CPS1: variants seen among roughly 807,000 people sequenced by gnomAD.
CPS1 encodes carbamoyl-phosphate synthase [ammonia], mitochondrial.
A neutral mutation model predicts 174.6 loss-of-function variants in CPS1; 109 were observed. The observed-to-expected ratio is 0.62, with a 90% CI of 0.53 to 0.73. The LOEUF (loss-of-function observed/expected upper bound fraction) is 0.73, where lower values mean the gene tolerates loss of function less well. Among genes scored for constraint, CPS1 ranks in the 30% least tolerant of loss-of-function variants. CPS1 has a pLI of 0.00. For missense variants in CPS1, 1,689 were observed against 1,821.9 expected, an observed-to-expected ratio of 0.93 and a Z score of 1.33; for synonymous variants, 637 against 632.0, an observed-to-expected ratio of 1.01 and a Z score of -0.12.
In CPS1 at chr2:210,609,624, C is replaced by T. The variant is rs931031176; in HGVS notation, c.2391+1065C>T. Among the ~76,000 whole-genome samples, 4 of 151,926 alleles carry T rather than the reference C, an allele frequency of 2.6e-5. No individual in the cohort carries two copies. The East Asian group carries it at 7.8e-4, about 29-fold the overall frequency. On this transcript the variant is annotated intron_variant, in intron 19 of 37. Transcript: ENST00000233072. ...TCTTTCTCTATCATTTGTCTATCTACCATTTATCTTAGTTTATCTGTATCT... is the reference window on the plus strand; with the variant it reads ...TCTTTCTCTATCATTTGTCTATCTATCATTTATCTTAGTTTATCTGTATCT...
chr2:210,520,372 G>T (rs957535674), intron 1 of CPS1, among the ~76,000 whole-genome samples: 3 of 151,984 alleles, frequency 2.0e-5, no homozygotes, highest in Non-Finnish European at 4.4e-5. Flanking sequence ...AGGTATATAT[G>T]TGCCATGGTG....
chr2:210,480,036 G>A (rs1010859199), intron 1 of CPS1, among the ~76,000 whole-genome samples: 1 of 152,042 alleles, frequency 6.6e-6, no homozygotes, highest in Non-Finnish European at 1.5e-5. Context: ...TTACAAAGAG[G>A]CCTCAAAACA....
intron 19 of CPS1, 43 bp downstream of exon 19, chr2:210,608,602 A>G: frequency 6.3e-7 from 1 of 1,588,842 alleles, no homozygotes; most frequent in Admixed American, 1.7e-5. Context: ...GTTCTCAGTT[A>G]TTTTGTTAAA....
intron 16 of CPS1, 196 bp from the exon 17 acceptor site, chr2:210,604,906 C>T: frequency 1.7e-6 from 1 of 591,996 alleles, no homozygotes; most frequent in Non-Finnish European, 3.0e-6. Context: ...GTAAATCAAG[C>T]ATATTCACTG....
At chr2:210,522,779 G>T (rs1414756074) in intron 1 of CPS1, among the ~76,000 whole-genome samples, 1 of 151,868 alleles carries the variant, frequency 6.6e-6, no homozygotes, top group Admixed American at 6.6e-5. Context: ...ATATAAAAAA[G>T]AGCACCCTCT....
chr2:210,651,167 A>G (rs954667410), intron 28 of CPS1, among the ~76,000 whole-genome samples: 4 of 151,718 alleles, frequency 2.6e-5, no homozygotes, highest in African/African-American at 7.3e-5. Context: ...TTTAAGGGGG[A>G]ACAATTCATA....
intron 30 of CPS1, among the ~76,000 whole-genome samples, chr2:210,656,869 A>G (rs1700725013): frequency 1.3e-5 from 2 of 152,060 alleles, no homozygotes; most frequent in Admixed American, 1.3e-4. Context: ...TCAAACTTGA[A>G]TGTGCATCAC....
In CPS1 at chr2:210,605,883, C is replaced by T. The variant is rs553962481; in HGVS notation, c.1981+637C>T. 4.6e-5 allele frequency among the ~76,000 whole-genome samples: 7 copies of T among 151,944 alleles called. No homozygotes were observed. In the East Asian group the frequency reaches 1.4e-3, roughly 30 times the overall value. On this transcript the variant is annotated intron_variant, in intron 17 of 37. Transcript: ENST00000233072. ...AGAAAGAGGAGAGAATAGGGTTGAA[C>T]TTTGAACTCTGGGAAACATTTAGAT...
At chr2:210,512,799 T>A (rs1232327818) in intron 1 of CPS1, among the ~76,000 whole-genome samples, 1 of 127,872 alleles carries the variant, frequency 7.8e-6, no homozygotes, top group Non-Finnish European at 1.6e-5. Context: ...GAGAGAGATA[T>A]ATATATATGG....
intron 16 of CPS1, chr2:210,604,897 T>C (rs913523658): frequency 3.0e-5 from 17 of 574,028 alleles, no homozygotes; most frequent in Non-Finnish European, 5.0e-5. Flanking sequence ...CTCAATAATG[T>C]AAATCAAGCA....
intron 1 of CPS1, among the ~76,000 whole-genome samples, chr2:210,520,076 T>A (rs1169151309): frequency 6.6e-6 from 1 of 152,068 alleles, no homozygotes; most frequent in Non-Finnish European, 1.5e-5. Context: ...TGTATTCCAG[T>A]TCATCCTAAG....
Position 210,595,590 on chromosome 2 carries a change from A to G in CPS1, c.1359+8A>G, listed in dbSNP as rs1698457111. The G allele has an allele frequency of 6.3e-7, 1 of 1,578,288 alleles. No homozygotes were observed. ...GCTGTAAAAGCCATGAAGGTGAGAG[A>G]ATATGATCCTTACTAGAATTAATAT... On this transcript the variant is annotated splice_region_variant and intron_variant, in intron 13 of 37. Transcript: ENST00000233072.
intron 1 of CPS1, among the ~76,000 whole-genome samples, chr2:210,501,214 T>C (rs1262454567): frequency 6.6e-6 from 1 of 152,120 alleles, no homozygotes; most frequent in Non-Finnish European, 1.5e-5. Flanking sequence ...TCTGGGCCTA[T>C]AATGGGAGGG....
At chr2:210,505,403 T>C (rs1013339351) in intron 1 of CPS1, among the ~76,000 whole-genome samples, 2 of 151,782 alleles carry the variant, frequency 1.3e-5, no homozygotes, top group African/African-American at 4.8e-5. Flanking sequence ...GAAGACTCAG[T>C]TGGAAACAGC....
upstream of CPS1, among the ~76,000 whole-genome samples, chr2:210,554,147 A>ATG (rs1574516967): frequency 1.4e-5 from 2 of 140,218 alleles, no homozygotes; most frequent in East Asian, 2.0e-4. Context: ...ATATATATGT[A>ATG]TATATACACA....
chr2:210,637,750 C>T lies in CPS1; in HGVS notation c.2736C>T (p.Phe912=). The part of the protein sequence containing the change: ...ETLKRAKEIG[F]SDKQISKCLG... Reference sequence around the variant, plus strand: ...TGAAAAGGGCAAAGGAGATTGGGTTCTCAGATAAGCAGATTTCAAAATGCC... The same window carrying T: ...TGAAAAGGGCAAAGGAGATTGGGTTTTCAGATAAGCAGATTTCAAAATGCC... Residue 912 remains phenylalanine (F), a synonymous_variant, in exon 22 of 38, where the codon TTC becomes TTT. Coordinates refer to ENST00000233072, the MANE Select transcript of CPS1 (RefSeq NM_001875.5). 1.9e-6 allele frequency: 3 copies of T among 1,613,972 alleles called. No individual in the cohort carries two copies. The highest frequency in any genetic ancestry group is 1.1e-5 in the South Asian group (1 of 91,070).
intron 1 of CPS1, among the ~76,000 whole-genome samples, chr2:210,508,694 G>A (rs1041096709): frequency 1.3e-5 from 2 of 151,982 alleles, no homozygotes; most frequent in Non-Finnish European, 2.9e-5. Context: ...ATGATAAAGG[G>A]GATATCACCA....
intron 1 of CPS1, chr2:210,519,864 G>A: frequency 1.2e-6 from 1 of 848,752 alleles, no homozygotes; most frequent in South Asian, 5.4e-5. Flanking sequence ...CTGGGTTGTA[G>A]TGATATAATC....
At chr2:210,639,618 CAAAAAAAAAAAAA>C (rs397987630) in intron 23 of CPS1, among the ~76,000 whole-genome samples, 2 of 32,058 alleles carry the variant, frequency 6.2e-5, no homozygotes, top group African/African-American at 8.8e-5. Flanking sequence ...GACTCCGTCT[CAAAAAAAAAAAAA>C]AAAAAAAAAA....
Sources: gnomAD v4.1 joint callset for allele counts (sites outside exome capture counted in the v4.1 genomes callset) on GRCh38, gnomAD v4.1.1 for gene constraint, MANE v1.5 for transcripts, NCBI Gene and HGNC (gene_info 2026-07-23, HGNC 2026-07-21) for gene names.